The following DIP2A variants were observed in gnomAD, a reference collection of about 807,000 sequenced individuals.
DIP2A encodes the protein DIP2 acetate--CoA ligase A.
In DIP2A, 85 loss-of-function variants were observed where a neutral mutation model predicts 177.4. The observed-to-expected ratio is 0.48, with a 90% CI of 0.40 to 0.57. The LOEUF (loss-of-function observed/expected upper bound fraction) is 0.57, where lower values mean the gene tolerates loss of function less well. DIP2A is among the 20% of genes least tolerant of loss of function. The pLI is 0.00. For synonymous variants in DIP2A, 886 were observed against 881.8 expected, an observed-to-expected ratio of 1.00 and a Z score of -0.08; for missense variants, 1,791 against 2,100.2, an observed-to-expected ratio of 0.85 and a Z score of 2.88.
At chr21:46,564,593 C>T (rs925053506) in intron 35 of DIP2A, among the ~76,000 whole-genome samples, 8 of 152,162 alleles carry the variant, frequency 5.3e-5, no homozygotes, top group Non-Finnish European at 1.0e-4. Context: ...TAAGGACTCA[C>T]GTTCCTAGTC....
At chr21:46,545,764 T>C (rs1433445239) in intron 19 of DIP2A, 117 bp from the exon 20 acceptor site, 77 of 1,241,532 alleles carry the variant, frequency 6.2e-5, no homozygotes, top group Non-Finnish European at 8.3e-5. Flanking sequence ...CAGCCTCCTT[T>C]TTCCCCCTGG....
chr21:46,581,656 G>A, the DIP2A span, among the ~76,000 whole-genome samples: 1 of 152,204 alleles, frequency 6.6e-6, no homozygotes, highest in South Asian at 2.1e-4. Flanking sequence ...TGTTGATGTT[G>A]TTGTTGCTTT....
chr21:46,535,291 T>C (rs1473774576), intron 13 of DIP2A, among the ~76,000 whole-genome samples: 2 of 149,894 alleles, frequency 1.3e-5, no homozygotes, highest in African/African-American at 2.5e-5. Flanking sequence ...TAAGTACTAA[T>C]TGTATATATT....
At chr21:46,561,671 A>C in intron 33 of DIP2A, 77 bp from the exon 34 acceptor site, 3 of 1,544,276 alleles carry the variant, frequency 1.9e-6, no homozygotes, top group Middle Eastern at 1.7e-4. Context: ...GATCATTTCC[A>C]ACGTCATGAT....
chr21:46,553,379 T>A (rs1161464283), intron 25 of DIP2A: 1 of 152,246 alleles, frequency 6.6e-6, no homozygotes, highest in Non-Finnish European at 1.5e-5. Context: ...GCACTTTTTA[T>A]CTTCTTAAGA....
At chr21:46,475,876 A>ATG (rs1428998290) in intron 1 of DIP2A, among the ~76,000 whole-genome samples, 1 of 152,210 alleles carries the variant, frequency 6.6e-6, no homozygotes, top group African/African-American at 2.4e-5. Flanking sequence ...ATATTTTAAA[A>ATG]CTATGTAAAT....
intron 8 of DIP2A, among the ~76,000 whole-genome samples, chr21:46,520,845 C>T (rs2058793803): frequency 6.6e-6 from 1 of 152,146 alleles, no homozygotes; most frequent in Admixed American, 6.5e-5. Flanking sequence ...TCTGACAGTG[C>T]TTGCTGTGTG....
In DIP2A at chr21:46,549,843, C is replaced by T. The variant is rs763503285; in HGVS notation, c.2595C>T (p.Ala865=). The part of the protein sequence containing the change: ...IVLVAEQRPD[A]SEEDSFQWMS... ...TGGTGGCTGAGCAGCGGCCGGATGC[C>T]TCGGAGGAGGACAGCTTCCAGTGGA... Residue 865 remains alanine, a synonymous_variant, in exon 22 of 38, where the codon GCC becomes GCT. Transcript: ENST00000417564. The T allele has an allele frequency of 1.9e-6, 3 of 1,613,084 alleles. No homozygotes were observed. The highest frequency in any genetic ancestry group is 1.3e-5 in the African/African-American group (1 of 75,032).
intron 7 of DIP2A, among the ~76,000 whole-genome samples, chr21:46,510,383 C>G (rs1397244521): frequency 6.6e-6 from 1 of 152,104 alleles, no homozygotes. Flanking sequence ...TTTGGCAACA[C>G]CCTCACAGAC....
chr21:46,464,844 T>TTTTTTTTTTTTTCC lies in DIP2A; in HGVS notation c.91+5622_91+5623insTTTTTTTTTTTTCC, dbSNP rs58546395. 8.0e-4 allele frequency among the ~76,000 whole-genome samples: 89 copies of TTTTTTTTTTTTTCC among 111,218 alleles called. 8 individuals carry two copies. Among genetic ancestry groups the TTTTTTTTTTTTTCC allele is most frequent in the African/African-American group, 2.4e-3 (58 of 23,990 alleles). The allele number at this position is 111,218 out of a possible 152,430, so 73.0% of individuals were successfully genotyped here. ...TTTTTTTTTTTTTTTTTTTTTTTTTTCAAGAAAACACACAACAAATGTCAG... is the reference window on the plus strand; with the variant it reads ...TTTTTTTTTTTTTTTTTTTTTTTTTTTTTTTTTTTTTTCCCAAGAAAACACACAACAAATGTCAG... On this transcript the variant is annotated intron_variant, in intron 1 of 37. Transcript: ENST00000417564.
At chr21:46,478,604 T>A (rs1157521274) in intron 1 of DIP2A, among the ~76,000 whole-genome samples, 1 of 152,240 alleles carries the variant, frequency 6.6e-6, no homozygotes. Flanking sequence ...ATGAATGTGG[T>A]ATATCCTTTC....
chr21:46,491,473 C>G (rs901666820), intron 3 of DIP2A, among the ~76,000 whole-genome samples: 7 of 152,166 alleles, frequency 4.6e-5, no homozygotes, highest in Admixed American at 2.0e-4. Flanking sequence ...CAGATAATGT[C>G]TTACCAATTT....
At chr21:46,513,853 TA>T (rs1337706556) in intron 8 of DIP2A, among the ~76,000 whole-genome samples, 1 of 151,344 alleles carries the variant, frequency 6.6e-6, no homozygotes, top group African/African-American at 2.4e-5. Context: ...TTCCAAAATC[TA>T]AAAAAAAATT....
intron 16 of DIP2A, 83 bp from the exon 17 acceptor site, chr21:46,539,794 C>A (rs557737983): frequency 2.2e-5 from 26 of 1,161,254 alleles, no homozygotes; most frequent in Non-Finnish European, 3.4e-5. Flanking sequence ...CCGCAGGCTG[C>A]GCTAACTTGA....
At chr21:46,484,370 C>T (rs1036935252) in intron 1 of DIP2A, among the ~76,000 whole-genome samples, 4 of 152,176 alleles carry the variant, frequency 2.6e-5, no homozygotes, top group East Asian at 1.9e-4. Context: ...CACTACACTC[C>T]CAACGTAGAA....
chr21:46,580,965 A>G, the DIP2A span, among the ~76,000 whole-genome samples: 1 of 152,060 alleles, frequency 6.6e-6, no homozygotes. Context: ...GGTTCTCTGG[A>G]TTTCCTGAAT....
the DIP2A span, among the ~76,000 whole-genome samples, chr21:46,583,771 T>C: frequency 6.1e-3 from 925 of 152,322 alleles, 8 homozygotes; most frequent in Middle Eastern, 0.024. Flanking sequence ...CCTCCCACCA[T>C]GGGATGATGC....
At position 46,565,795 on chromosome 21, in the gene DIP2A, C is replaced by T. The variant is rs2060818341; in HGVS notation, c.4247C>T (p.Ala1416Val). 4 of 1,614,008 alleles carry T rather than the reference C, an allele frequency of 2.5e-6. No individual in the cohort carries two copies. Among genetic ancestry groups the T allele is most frequent in the Non-Finnish European group, 3.4e-6 (4 of 1,179,894 alleles). The change falls in exon 36 of 38, where the codon GCC becomes GTC. Residue 1416 changes from alanine to valine, a missense_variant. Transcript: ENST00000417564. The part of the protein sequence containing the change: ...EEALHADHFS[A>V]RLSFGDTQTI... ...GCGCTTCATGCCGACCACTTCAGTG[C>T]CCGGCTGAGTTTTGGAGACACACAG...
chr21:46,506,200 C>T (rs983629967), intron 6 of DIP2A, among the ~76,000 whole-genome samples: 1 of 152,082 alleles, frequency 6.6e-6, no homozygotes, highest in Non-Finnish European at 1.5e-5. Flanking sequence ...TCACTGAAAC[C>T]TCGCCATCCT....
Sources: allele counts gnomAD v4.1 joint callset (sites outside exome capture counted in the v4.1 genomes callset), GRCh38; gene constraint gnomAD v4.1.1; transcripts MANE v1.5; gene names NCBI Gene and HGNC (gene_info 2026-07-23, HGNC 2026-07-21).